IKZF2: variants seen among roughly 807,000 people sequenced by gnomAD.
IKZF2 encodes the protein IKAROS family zinc finger 2.
In IKZF2, 15 loss-of-function variants were observed where a neutral mutation model predicts 49.2. The ratio of observed to expected loss-of-function variants is 0.30; its 90% CI spans 0.20 to 0.47. IKZF2 has a LOEUF of 0.47. IKZF2 is among the 20% of genes least tolerant of loss of function. The probability of loss-of-function intolerance (pLI) is 1.00; values close to 1 mark genes in which losing one functional copy is unlikely to be tolerated. For synonymous variants in IKZF2, 227 were observed against 221.4 expected, an observed-to-expected ratio of 1.03 and a Z score of -0.23; for missense variants, 567 against 664.6, an observed-to-expected ratio of 0.85 and a Z score of 1.61.
chr2:213,136,370 CAAA>C (rs11325415), intron 4 of IKZF2, among the ~76,000 whole-genome samples: 1,359 of 53,410 alleles, frequency 0.025, 4 homozygotes, highest in African/African-American at 0.083. Flanking sequence ...GACACTGTCT[CAAA>C]AAAAAAAAAA....
chr2:213,079,206 C>T (rs767798799), intron 4 of IKZF2, among the ~76,000 whole-genome samples: 1 of 151,760 alleles, frequency 6.6e-6, no homozygotes, highest in Admixed American at 6.6e-5. Context: ...TAGTGGGATC[C>T]CATCTATACA....
At chr2:213,091,745 GA>G (rs1274098114) in intron 4 of IKZF2, among the ~76,000 whole-genome samples, 4 of 152,064 alleles carry the variant, frequency 2.6e-5, no homozygotes, top group African/African-American at 4.8e-5. Context: ...ATAAAAGAAA[GA>G]ATATTCTATT....
intron 4 of IKZF2, among the ~76,000 whole-genome samples, chr2:213,121,697 A>C (rs903276878): frequency 3.3e-5 from 5 of 152,238 alleles, no homozygotes; most frequent in Admixed American, 2.0e-4. Context: ...AAACTTCAGC[A>C]AAGGCCTTTT....
At position 213,056,037 on chromosome 2, in the gene IKZF2, C is replaced by G. The variant is rs6724958; in HGVS notation, c.406+796G>C. Among the ~76,000 whole-genome samples, 1,436 of 152,124 alleles carry G rather than the reference C, an allele frequency of 9.4e-3. 22 individuals carry two copies. The highest frequency in any genetic ancestry group is 0.033 in the African/African-American group (1,367 of 41,504). On this transcript the variant is annotated intron_variant, in intron 5 of 8. Transcript: ENST00000434687. ...TTTTTGTTAAGAGTCAACGATCCTC[C>G]TAGCTTACCACTTACTATCTCATTT...
intron 4 of IKZF2, among the ~76,000 whole-genome samples, chr2:213,088,192 G>A (rs1220587590): frequency 3.9e-5 from 6 of 152,196 alleles, no homozygotes; most frequent in African/African-American, 9.6e-5. Flanking sequence ...GTTAATGATC[G>A]CCATTCTAAC....
chr2:213,009,146 C>T (rs2125017604), intron 8 of IKZF2, among the ~76,000 whole-genome samples: 1 of 152,110 alleles, frequency 6.6e-6, no homozygotes, highest in African/African-American at 2.4e-5. Context: ...TTGCTAGCTT[C>T]CCATACTTTT....
At chr2:213,052,733 G>A (rs1700790667) in intron 5 of IKZF2, among the ~76,000 whole-genome samples, 1 of 151,962 alleles carries the variant, frequency 6.6e-6, no homozygotes, top group South Asian at 2.1e-4. Context: ...ATCCATATCT[G>A]TCTAATAACA....
At chr2:213,110,809 T>G (rs981279106) in intron 4 of IKZF2, among the ~76,000 whole-genome samples, 1 of 151,986 alleles carries the variant, frequency 6.6e-6, no homozygotes, top group Non-Finnish European at 1.5e-5. Context: ...TGACACAAAA[T>G]TTTCAGTTTT....
At chr2:213,054,362 G>C (rs1021800714) in intron 5 of IKZF2, among the ~76,000 whole-genome samples, 4 of 152,144 alleles carry the variant, frequency 2.6e-5, no homozygotes, top group African/African-American at 7.2e-5. Flanking sequence ...ATTGATAAGA[G>C]TGGGAAGTTC....
At chr2:213,051,798 A>G (rs995689364) in intron 5 of IKZF2, among the ~76,000 whole-genome samples, 3 of 151,978 alleles carry the variant, frequency 2.0e-5, no homozygotes, top group Non-Finnish European at 4.4e-5. Flanking sequence ...ATTTGATTTT[A>G]CTTTTAAAAT....
intron 4 of IKZF2, among the ~76,000 whole-genome samples, chr2:213,135,149 A>C (rs1436360550): frequency 2.0e-5 from 3 of 152,210 alleles, no homozygotes; most frequent in Non-Finnish European, 4.4e-5. Context: ...TGAATATGAA[A>C]AAGAGACTAA....
chr2:213,103,734 G>A (rs954375567), intron 4 of IKZF2, among the ~76,000 whole-genome samples: 2 of 152,002 alleles, frequency 1.3e-5, no homozygotes, highest in Non-Finnish European at 2.9e-5. Context: ...TTACAAATAA[G>A]CTATTTTAAA....
chr2:213,053,102 C>T (rs1700828570), intron 5 of IKZF2, among the ~76,000 whole-genome samples: 1 of 152,038 alleles, frequency 6.6e-6, no homozygotes, highest in Admixed American at 6.6e-5. Context: ...TTAAGAAAAT[C>T]TCACAAATTT....
At chr2:213,114,708 C>T (rs1213357367) in intron 4 of IKZF2, among the ~76,000 whole-genome samples, 1 of 152,046 alleles carries the variant, frequency 6.6e-6, no homozygotes, top group Admixed American at 6.6e-5. Flanking sequence ...GCAACCTGGG[C>T]GGATCACGAG....
At chr2:213,021,888 T>C in intron 7 of IKZF2, 105 bp downstream of exon 7, 1 of 1,233,838 alleles carries the variant, frequency 8.1e-7, no homozygotes, top group Non-Finnish European at 1.1e-6. Flanking sequence ...CTCATTTAAG[T>C]TAAAGTGATC....
At chr2:213,116,882 A>G (rs1452526629) in intron 4 of IKZF2, among the ~76,000 whole-genome samples, 1 of 152,196 alleles carries the variant, frequency 6.6e-6, no homozygotes, top group Non-Finnish European at 1.5e-5. Flanking sequence ...AAAAATGTTT[A>G]TTAAAAAACA....
In IKZF2 at chr2:213,047,960, C is replaced by A. The variant is rs887431715; in HGVS notation, c.574+1753G>T. Among the ~76,000 whole-genome samples the A allele has an allele frequency of 2.6e-5, 4 of 151,998 alleles. No individual in the cohort carries two copies. In the South Asian group the frequency reaches 8.3e-4, roughly 32 times the overall value. On this transcript the variant is annotated intron_variant, in intron 6 of 8. Coordinates refer to ENST00000434687, the MANE Select transcript of IKZF2 (RefSeq NM_001387220.1). ...GATGTATTTGATTGGAAGAAGAACA[C>A]TATAATGATCAATTTTGAGCTTTCT...
intron 4 of IKZF2, among the ~76,000 whole-genome samples, chr2:213,142,422 A>G: frequency 6.6e-6 from 1 of 151,998 alleles, no homozygotes; most frequent in East Asian, 1.9e-4. Flanking sequence ...CTTGGATTTG[A>G]AAACAAACCC....
rs940520586 is a variant in IKZF2, at chr2:213,031,565, C to T, written c.575-9435G>A. On this transcript the variant is annotated intron_variant, in intron 6 of 8. Transcript: ENST00000434687. ...TTTTTATAAGAGTCTAAGTTGTTGGCATCTACTTTTCTATCACTTTAAGTT... is the reference window on the plus strand; with the variant it reads ...TTTTTATAAGAGTCTAAGTTGTTGGTATCTACTTTTCTATCACTTTAAGTT... Among the ~76,000 whole-genome samples, 8 of 152,176 alleles carry T rather than the reference C, an allele frequency of 5.3e-5. 1 individual carries two copies. The South Asian group carries it at 1.7e-3, about 31-fold the overall frequency.
Sources: gnomAD v4.1 joint callset for allele counts (sites outside exome capture counted in the v4.1 genomes callset) on GRCh38, gnomAD v4.1.1 for gene constraint, MANE v1.5 for transcripts, NCBI Gene and HGNC (gene_info 2026-07-23, HGNC 2026-07-21) for gene names.